ZNF831: variants seen among roughly 807,000 people sequenced by gnomAD.
The protein encoded by ZNF831 is zinc finger protein 831.
A neutral mutation model predicts 95.8 loss-of-function variants in ZNF831; 59 were observed. The observed-to-expected ratio is 0.62, with a 90% CI of 0.50 to 0.77. The LOEUF (loss-of-function observed/expected upper bound fraction) is 0.77, where lower values mean the gene tolerates loss of function less well. Ranked by LOEUF, ZNF831 falls within the 30% of genes least tolerant of loss-of-function variation. The pLI is 0.00. For synonymous variants in ZNF831, 961 were observed against 925.5 expected (o/e 1.04, Z -0.70); for missense variants, 2,205 against 2,164.0 (o/e 1.02, Z -0.38).
chr20:59,146,160 C>T (rs1281464609), intron 1 of ZNF831: 1 of 152,040 alleles, frequency 6.6e-6, no homozygotes, highest in Non-Finnish European at 1.5e-5. Flanking sequence ...CCTCTGCCAC[C>T]CCCGCCGCCC....
At chr20:59,174,758 CA>C (rs970686582) in intron 1 of ZNF831, among the ~76,000 whole-genome samples, 69 of 152,038 alleles carry the variant, frequency 4.5e-4, no homozygotes, top group African/African-American at 1.3e-3. Flanking sequence ...ACAAAACAAA[CA>C]AAAAAACACC....
At chr20:59,241,321 TA>T (rs1263097077) in intron 4 of ZNF831, among the ~76,000 whole-genome samples, 5 of 151,902 alleles carry the variant, frequency 3.3e-5, no homozygotes, top group Admixed American at 1.3e-4. Flanking sequence ...TATTTTTTTT[TA>T]ATCAGAACCC....
Position 59,178,925 on chromosome 20 carries a change from C to T in ZNF831, c.-36-12059C>T, listed in dbSNP as rs142709599. Among the ~76,000 whole-genome samples the T allele has an allele frequency of 7.3e-4, 111 of 152,328 alleles. No homozygotes were observed. In the East Asian group the frequency reaches 0.018, roughly 24 times the overall value. ...TGGGTCGTCCTCCAGAGCCCGCTCT[C>T]TTTTAAACACTCTATCAAATAAACA... On this transcript the variant is annotated intron_variant, in intron 1 of 5. Coordinates refer to ENST00000371030, the MANE Select transcript of ZNF831 (RefSeq NM_178457.3).
chr20:59,127,159 A>G (rs1242647197), intron 1 of ZNF831, among the ~76,000 whole-genome samples: 1 of 151,958 alleles, frequency 6.6e-6, no homozygotes, highest in East Asian at 1.9e-4. Flanking sequence ...CACACCTTAC[A>G]TCTAATCCAC....
intron 2 of ZNF831, among the ~76,000 whole-genome samples, chr20:59,153,745 T>C (rs1407004668): frequency 6.6e-6 from 1 of 152,224 alleles, no homozygotes; most frequent in Non-Finnish European, 1.5e-5. Flanking sequence ...CTTTGTACTG[T>C]AGCAAACTCT....
intron 1 of ZNF831, among the ~76,000 whole-genome samples, chr20:59,182,836 G>A (rs976319808): frequency 6.6e-6 from 1 of 152,218 alleles, no homozygotes; most frequent in African/African-American, 2.4e-5. Flanking sequence ...GCCCTGACAG[G>A]AAGTGGGCAG....
intron 2 of ZNF831, among the ~76,000 whole-genome samples, chr20:59,147,853 A>T (rs1274890320): frequency 1.3e-5 from 2 of 152,250 alleles, no homozygotes; most frequent in Non-Finnish European, 2.9e-5. Flanking sequence ...TGTAAATCTG[A>T]AGAGCAGCTG....
chr20:59,193,045 A>G lies in ZNF831; in HGVS notation c.2026A>G (p.Arg676Gly). 6.3e-7 allele frequency: 1 copy of G among 1,576,778 alleles called. No homozygotes were observed. The highest frequency in any genetic ancestry group is 8.6e-7 in the Non-Finnish European group (1 of 1,162,160). ...CTCAGGCACAGTCCCCACCCAAGACAGGAGGACCCCTGTCCATGAGGACAT... is the reference window on the plus strand; with the variant it reads ...CTCAGGCACAGTCCCCACCCAAGACGGGAGGACCCCTGTCCATGAGGACAT... The part of the protein sequence containing the change: ...GSSGTVPTQD[R>G]RTPVHEDISA... The change falls in exon 2 of 6, where the codon AGG becomes GGG. Residue 676 changes from arginine (R) to glycine (G), a missense_variant. By Grantham distance (125) the Arg-to-Gly change is moderately radical. Coordinates refer to ENST00000371030, the MANE Select transcript of ZNF831 (RefSeq NM_178457.3).
intron 3 of ZNF831, among the ~76,000 whole-genome samples, chr20:59,205,978 T>C (rs1984865098): frequency 6.6e-6 from 1 of 152,144 alleles, no homozygotes; most frequent in African/African-American, 2.4e-5. Context: ...CATGAAACAA[T>C]AGAAACAAGA....
At chr20:59,247,274 C>T (rs1568795259) in intron 4 of ZNF831, among the ~76,000 whole-genome samples, 1 of 152,214 alleles carries the variant, frequency 6.6e-6, no homozygotes, top group Non-Finnish European at 1.5e-5. Context: ...TTCATGGCCA[C>T]CCAGCACCTT....
At chr20:59,236,439 T>C (rs997571375) in intron 4 of ZNF831, among the ~76,000 whole-genome samples, 3 of 152,182 alleles carry the variant, frequency 2.0e-5, no homozygotes, top group Non-Finnish European at 4.4e-5. Flanking sequence ...GGCCATTTTC[T>C]TTTATCCTTT....
chr20:59,182,510 CA>C (rs1387749146), intron 1 of ZNF831, among the ~76,000 whole-genome samples: 1 of 152,068 alleles, frequency 6.6e-6, no homozygotes, highest in East Asian at 1.9e-4. Flanking sequence ...ACCAAGAAGA[CA>C]GGGGACGGGG....
chr20:59,168,413 G>C (rs1267358149), intron 1 of ZNF831, among the ~76,000 whole-genome samples: 1 of 141,884 alleles, frequency 7.0e-6, no homozygotes, highest in Non-Finnish European at 1.5e-5. Flanking sequence ...TGTTGATCTT[G>C]TATCCTGTGT....
At chr20:59,247,205 A>T (rs764179945) in intron 4 of ZNF831, among the ~76,000 whole-genome samples, 6 of 152,170 alleles carry the variant, frequency 3.9e-5, no homozygotes, top group African/African-American at 1.4e-4. Context: ...ATGTCAGATG[A>T]TTTACTGTGT....
intron 1 of ZNF831, among the ~76,000 whole-genome samples, chr20:59,138,240 T>A (rs1003765436): frequency 1.3e-5 from 2 of 152,208 alleles, no homozygotes; most frequent in African/African-American, 4.8e-5. Context: ...CAATTAGTTG[T>A]TTAATTCTGT....
intron 2 of ZNF831, among the ~76,000 whole-genome samples, chr20:59,158,567 C>G (rs1980667969): frequency 2.0e-5 from 3 of 152,134 alleles, no homozygotes. Flanking sequence ...TTAGCCTTCC[C>G]TGGAGGAGTT....
intron 4 of ZNF831, among the ~76,000 whole-genome samples, chr20:59,238,511 A>G (rs1178351106): frequency 6.6e-6 from 1 of 152,222 alleles, no homozygotes; most frequent in African/African-American, 2.4e-5. Flanking sequence ...CACCCTGACC[A>G]GAGGAGAGGA....
intron 1 of ZNF831, among the ~76,000 whole-genome samples, chr20:59,137,945 A>T (rs576326031): frequency 6.6e-6 from 1 of 152,248 alleles, no homozygotes; most frequent in East Asian, 1.9e-4. Context: ...TTTGGACTTC[A>T]TGCATTGGTT....
At chr20:59,197,676 C>T (rs1984222859) in intron 3 of ZNF831, among the ~76,000 whole-genome samples, 1 of 152,124 alleles carries the variant, frequency 6.6e-6, no homozygotes, top group Non-Finnish European at 1.5e-5. Flanking sequence ...GAGACAGAAG[C>T]CTGACTCAAG....
Sources: gnomAD v4.1 joint callset for allele counts (sites outside exome capture counted in the v4.1 genomes callset) on GRCh38, gnomAD v4.1.1 for gene constraint, MANE v1.5 for transcripts, NCBI Gene and HGNC (gene_info 2026-07-23, HGNC 2026-07-21) for gene names.